The following ROBO2 variants were observed in gnomAD, a reference collection of about 807,000 sequenced individuals.
ROBO2 encodes the protein roundabout guidance receptor 2.
Under a neutral mutation model 160.8 loss-of-function variants are expected in ROBO2, and 53 were observed. That is an observed-to-expected ratio of 0.33 (90% CI 0.26 to 0.41). The LOEUF is 0.41. Ranked by LOEUF, ROBO2 falls within the 10% of genes least tolerant of loss-of-function variation. The pLI is 1.00. For synonymous variants in ROBO2, 664 were observed against 611.7 expected (o/e 1.09, Z -1.26); for missense variants, 1,577 against 1,722.4 (o/e 0.92, Z 1.49).
intron 2 of ROBO2, among the ~76,000 whole-genome samples, chr3:77,405,750 C>A (rs965068881): frequency 4.6e-5 from 7 of 151,968 alleles, no homozygotes; most frequent in Non-Finnish European, 1.5e-5. Flanking sequence ...AAAGGAAAAA[C>A]CACAAACAAT....
chr3:77,075,245 C>T (rs994240831), intron 1 of ROBO2, among the ~76,000 whole-genome samples: 4 of 152,092 alleles, frequency 2.6e-5, no homozygotes, highest in Non-Finnish European at 5.9e-5. Flanking sequence ...TATTTTTTAT[C>T]GTTGAACCTG....
At chr3:76,367,563 A>T (rs556549150) in intron 2 of ROBO2, among the ~76,000 whole-genome samples, 1 of 151,982 alleles carries the variant, frequency 6.6e-6, no homozygotes, top group Non-Finnish European at 1.5e-5. Flanking sequence ...ACTCAATGTT[A>T]TTTAAGTCAT....
At chr3:77,536,198 A>G (rs2092086871) in intron 6 of ROBO2, among the ~76,000 whole-genome samples, 1 of 152,146 alleles carries the variant, frequency 6.6e-6, no homozygotes, top group African/African-American at 2.4e-5. Context: ...TGACTCAAGG[A>G]GCACACCCAT....
intron 1 of ROBO2, among the ~76,000 whole-genome samples, chr3:77,082,619 A>G (rs991503704): frequency 1.3e-5 from 2 of 151,614 alleles, no homozygotes; most frequent in African/African-American, 4.8e-5. Flanking sequence ...TAACAGATAT[A>G]TATATATATG....
rs1559706036 is a variant in ROBO2 at position 76,272,892 on chromosome 3, A to AT, written c.109+335290_109+335291insT. Among the ~76,000 whole-genome samples, 83 of 57,704 alleles carry AT rather than the reference A, an allele frequency of 1.4e-3. 6 individuals are homozygous for AT. Among genetic ancestry groups the AT allele is most frequent in the East Asian group, 3.5e-3 (8 of 2,312 alleles). 37.9% of individuals were successfully genotyped at this position (57,704 alleles called of 152,430 possible). On this transcript the variant is annotated intron_variant, in intron 2 of 26. Coordinates refer to the ROBO2 transcript ENST00000487694. ...ATATATAATATATATTTATATATAA[A>AT]AATATAATATATATTTATATATAAA... is the stretch of plus-strand genomic sequence containing the variant.
At chr3:77,410,174 T>C (rs1167952916) in intron 2 of ROBO2, among the ~76,000 whole-genome samples, 1 of 152,170 alleles carries the variant, frequency 6.6e-6, no homozygotes, top group Non-Finnish European at 1.5e-5. Flanking sequence ...AAAGAAATCT[T>C]CAAAAATTCT....
exon 23 of ROBO2, chr3:77,622,377 A>T: frequency 6.2e-7 from 1 of 1,614,098 alleles, no homozygotes; most frequent in Non-Finnish European, 8.5e-7. Context: ...GGCCCCTGAG[A>T]GCACTGGACC....
chr3:76,941,056 C>T (rs2078154628), intron 2 of ROBO2, among the ~76,000 whole-genome samples: 1 of 152,110 alleles, frequency 6.6e-6, no homozygotes, highest in Non-Finnish European at 1.5e-5. Flanking sequence ...TAACTTCACC[C>T]ATTCTTTCCC....
chr3:77,075,385 C>T (rs1055601470), intron 1 of ROBO2, among the ~76,000 whole-genome samples: 16 of 152,014 alleles, frequency 1.1e-4, no homozygotes, highest in African/African-American at 3.9e-4. Flanking sequence ...AATGTGTTCC[C>T]TCTGTCACCG....
intron 2 of ROBO2, among the ~76,000 whole-genome samples, chr3:76,299,389 A>T (rs950157185): frequency 6.6e-6 from 1 of 152,148 alleles, no homozygotes; most frequent in Admixed American, 6.5e-5. Flanking sequence ...TGGTTATTAG[A>T]ACAAACACAA....
At chr3:77,379,669 T>C (rs146692590) in intron 2 of ROBO2, among the ~76,000 whole-genome samples, 1 of 152,306 alleles carries the variant, frequency 6.6e-6, no homozygotes, top group Non-Finnish European at 1.5e-5. Flanking sequence ...GTGAATCAAG[T>C]CTGTGATATC....
intron 6 of ROBO2, among the ~76,000 whole-genome samples, chr3:77,523,187 A>G (rs1056584454): frequency 1.3e-5 from 2 of 151,412 alleles, no homozygotes; most frequent in South Asian, 4.1e-4. Flanking sequence ...GAAAAGATCT[A>G]TACTACTCTT....
chr3:76,305,753 C>T (rs1177119449), intron 2 of ROBO2, among the ~76,000 whole-genome samples: 1 of 129,226 alleles, frequency 7.7e-6, no homozygotes, highest in Non-Finnish European at 1.7e-5. Context: ...AGTGGGACTC[C>T]ATATAAAAAA....
chr3:76,343,760 A>G (rs146004287), intron 2 of ROBO2, among the ~76,000 whole-genome samples: 423 of 152,190 alleles, frequency 2.8e-3, no homozygotes, highest in Non-Finnish European at 4.8e-3. Flanking sequence ...GCCCAGCAGT[A>G]TAGTAGAAAA....
intron 2 of ROBO2, among the ~76,000 whole-genome samples, chr3:76,234,756 C>A (rs1704837090): frequency 1.3e-5 from 2 of 152,154 alleles, no homozygotes; most frequent in African/African-American, 2.4e-5. Flanking sequence ...ATTTGTCCTG[C>A]TAAGTTTTGA....
intron 2 of ROBO2, among the ~76,000 whole-genome samples, chr3:77,443,592 G>T (rs1367879314): frequency 6.6e-6 from 1 of 151,914 alleles, no homozygotes; most frequent in Non-Finnish European, 1.5e-5. Context: ...TACTAAAATT[G>T]CATTTTATAA....
At chr3:76,115,987 T>C (rs2070452975) in intron 2 of ROBO2, among the ~76,000 whole-genome samples, 1 of 152,158 alleles carries the variant, frequency 6.6e-6, no homozygotes, top group Non-Finnish European at 1.5e-5. Context: ...TGTATGTCTA[T>C]TCCAATTAAA....
intron 2 of ROBO2, among the ~76,000 whole-genome samples, chr3:76,207,163 A>G (rs1323209411): frequency 2.0e-5 from 3 of 152,176 alleles, no homozygotes; most frequent in Non-Finnish European, 4.4e-5. Context: ...AGCCTTACTT[A>G]TAGCTATGCG....
intron 1 of ROBO2, among the ~76,000 whole-genome samples, chr3:77,055,803 T>C (rs185316543): frequency 6.6e-6 from 1 of 152,320 alleles, no homozygotes; most frequent in East Asian, 1.9e-4. Flanking sequence ...GATTTCTTAC[T>C]TTTTCGCTTC....
Sources: gnomAD v4.1 joint callset for allele counts (sites outside exome capture counted in the v4.1 genomes callset) on GRCh38, gnomAD v4.1.1 for gene constraint, MANE v1.5 for transcripts, NCBI Gene and HGNC (gene_info 2026-07-23, HGNC 2026-07-21) for gene names.